The following NTRK3 variants were observed in gnomAD, a reference collection of about 807,000 sequenced individuals.
The protein encoded by NTRK3 is neurotrophic receptor tyrosine kinase 3, also known as NT-3 growth factor receptor.
Under a neutral mutation model 91.7 loss-of-function variants are expected in NTRK3, and 24 were observed. That is an observed-to-expected ratio of 0.26 (90% CI 0.19 to 0.37). NTRK3 has a LOEUF of 0.37. NTRK3 is among the 10% of genes least tolerant of loss of function. The probability of loss-of-function intolerance (pLI) is 1.00; values close to 1 mark genes in which losing one functional copy is unlikely to be tolerated. For synonymous variants in NTRK3, 483 were observed against 404.0 expected, an observed-to-expected ratio of 1.20 and a Z score of -2.34; for missense variants, 880 against 1,068.9, an observed-to-expected ratio of 0.82 and a Z score of 2.46.
chr15:88,176,102 T>C (rs1440828900), intron 5 of NTRK3, among the ~76,000 whole-genome samples: 2 of 151,874 alleles, frequency 1.3e-5, no homozygotes, highest in African/African-American at 4.8e-5. Flanking sequence ...ATAATATAAG[T>C]GATATGCATG....
At chr15:88,089,229 GCCTGGAGGCCAGTTACTCAC>G (rs1033662648) in intron 13 of NTRK3, among the ~76,000 whole-genome samples, 1 of 152,134 alleles carries the variant, frequency 6.6e-6, no homozygotes, top group Non-Finnish European at 1.5e-5. Context: ...CTGGCTTTGT[GCCTGGAGGCCAGTTACTCAC>G]CCTTCTTAAG....
intron 13 of NTRK3, among the ~76,000 whole-genome samples, chr15:88,054,450 G>C (rs1295226461): frequency 1.3e-5 from 2 of 152,134 alleles, no homozygotes; most frequent in Admixed American, 6.5e-5. Context: ...ATAAGCTCTT[G>C]GGTGCCCTAC....
At chr15:87,924,661 C>A (rs28718573) in intron 17 of NTRK3, among the ~76,000 whole-genome samples, 6,794 of 152,252 alleles carry the variant, frequency 0.045, 530 homozygotes, top group African/African-American at 0.15. Flanking sequence ...CATTCCACAT[C>A]ATCTCCAAAG....
Position 87,929,094 on chromosome 15 carries a change from G to A in NTRK3, c.2133+97C>T, listed in dbSNP as rs921934076. The A allele has an allele frequency of 1.9e-6, 3 of 1,582,176 alleles. No individual in the cohort carries two copies. In the African/African-American group the frequency reaches 4.0e-5, roughly 21 times the overall value. ...TGTCTGGGCATGGGTGTGTATATGTGTGTGCCAGAGTGACAGGGTTAATGG... is the reference window on the plus strand; with the variant it reads ...TGTCTGGGCATGGGTGTGTATATGTATGTGCCAGAGTGACAGGGTTAATGG... On this transcript the variant is annotated intron_variant, in intron 17 of 18. Coordinates refer to ENST00000394480, the Ensembl canonical transcript of NTRK3.
chr15:87,970,191 T>G (rs2073137958), intron 14 of NTRK3, among the ~76,000 whole-genome samples: 1 of 152,208 alleles, frequency 6.6e-6, no homozygotes, highest in Non-Finnish European at 1.5e-5. Flanking sequence ...GGGTCTTCAT[T>G]GCTGTATGCT....
intron 13 of NTRK3, among the ~76,000 whole-genome samples, chr15:88,083,902 C>T (rs188892981): frequency 6.6e-6 from 1 of 152,146 alleles, no homozygotes; most frequent in Admixed American, 6.6e-5. Flanking sequence ...GCTTCTCCAG[C>T]AATCCCACAG....
chr15:88,183,549 G>A, intron 4 of NTRK3, 60 bp from the exon 5 acceptor site: 10 of 1,485,698 alleles, frequency 6.7e-6, no homozygotes, highest in Non-Finnish European at 8.5e-6. Flanking sequence ...ATCTGCTCTG[G>A]GCTGAGGCTG....
intron 13 of NTRK3, among the ~76,000 whole-genome samples, chr15:88,043,280 G>GC (rs1288910064): frequency 2.6e-5 from 4 of 152,204 alleles, no homozygotes; most frequent in Admixed American, 6.5e-5. Flanking sequence ...CCTTCTGATT[G>GC]CACGTATAAG....
intron 15 of NTRK3, 144 bp downstream of exon 15, chr15:87,940,479 T>C (rs1224939542): frequency 6.7e-6 from 9 of 1,337,848 alleles, no homozygotes; most frequent in Non-Finnish European, 9.4e-6. Flanking sequence ...CTAGGAAACT[T>C]CATTGACCTC....
chr15:88,225,192 G>C (rs940248635), intron 3 of NTRK3, among the ~76,000 whole-genome samples: 4 of 152,168 alleles, frequency 2.6e-5, no homozygotes, highest in African/African-American at 9.7e-5. Context: ...AAAGGGACGT[G>C]TCAAGGCACC....
chr15:88,213,790 A>C (rs923592666), intron 3 of NTRK3, among the ~76,000 whole-genome samples: 1 of 152,200 alleles, frequency 6.6e-6, no homozygotes, highest in Non-Finnish European at 1.5e-5. Flanking sequence ...TAAGATTTGA[A>C]ACGAGGCGGC....
chr15:88,062,147 C>T (rs919884966), intron 13 of NTRK3, among the ~76,000 whole-genome samples: 7 of 152,270 alleles, frequency 4.6e-5, no homozygotes, highest in Non-Finnish European at 1.0e-4. Flanking sequence ...TATGCAAATA[C>T]TGTACCATTT....
At chr15:88,053,978 T>C (rs537515854) in intron 13 of NTRK3, among the ~76,000 whole-genome samples, 48 of 152,318 alleles carry the variant, frequency 3.2e-4, no homozygotes, top group African/African-American at 1.0e-3. Flanking sequence ...GTTTGCTCTC[T>C]TCTGTGCCAA....
chr15:87,904,157 T>TG (rs2066615687), intron 17 of NTRK3, among the ~76,000 whole-genome samples: 1 of 150,950 alleles, frequency 6.6e-6, no homozygotes. Context: ...AATAAGCATT[T>TG]TTTTTTTTTT....
chr15:88,104,056 C>T (rs999650585), intron 13 of NTRK3, among the ~76,000 whole-genome samples: 4 of 152,206 alleles, frequency 2.6e-5, no homozygotes, highest in African/African-American at 9.6e-5. Context: ...AGCCAGGCAT[C>T]TGGAAGAAGA....
chr15:87,882,442 T>C (rs1224294787), intron 17 of NTRK3, among the ~76,000 whole-genome samples: 1 of 152,176 alleles, frequency 6.6e-6, no homozygotes. Flanking sequence ...AAATGCAATT[T>C]AAATTTGAAT....
chr15:87,996,586 G>C (rs2075723448), intron 14 of NTRK3, among the ~76,000 whole-genome samples: 1 of 152,208 alleles, frequency 6.6e-6, no homozygotes, highest in Non-Finnish European at 1.5e-5. Flanking sequence ...AAAGAAGTTG[G>C]TGATGTGTTC....
At chr15:87,870,868 G>T (rs774759504) in exon 19 of NTRK3, 2 of 227,046 alleles carry the variant, frequency 8.8e-6, no homozygotes, top group Non-Finnish European at 1.8e-5. Context: ...TCAGCTAGAA[G>T]TATCCCCTGC....
At chr15:88,198,311 C>T (rs2048007537) in intron 3 of NTRK3, among the ~76,000 whole-genome samples, 1 of 152,154 alleles carries the variant, frequency 6.6e-6, no homozygotes, top group African/African-American at 2.4e-5. Context: ...ACAAGTCAGC[C>T]AAACAAAGCC....
Sources: allele counts gnomAD v4.1 joint callset (sites outside exome capture counted in the v4.1 genomes callset), GRCh38; gene constraint gnomAD v4.1.1; transcripts MANE v1.5; gene names NCBI Gene and HGNC (gene_info 2026-07-23, HGNC 2026-07-21).